Variants in TMEM117 observed in about 807,000 individuals in gnomAD.
TMEM117 encodes transmembrane protein 117.
A neutral mutation model predicts 52.4 loss-of-function variants in TMEM117; 27 were observed. The observed-to-expected ratio is 0.51, with a 90% CI of 0.38 to 0.71. The LOEUF is 0.71. Ranked by LOEUF, TMEM117 falls within the 30% of genes least tolerant of loss-of-function variation. The pLI is 0.00. For missense variants in TMEM117, 556 were observed against 630.5 expected, an observed-to-expected ratio of 0.88 and a Z score of 1.26; for synonymous variants, 215 against 206.3, an observed-to-expected ratio of 1.04 and a Z score of -0.36.
chr12:44,305,962 T>A (rs1950898052), intron 6 of TMEM117, among the ~76,000 whole-genome samples: 3 of 152,242 alleles, frequency 2.0e-5, no homozygotes. Context: ...AATGAAATGA[T>A]GTCCTTTACA....
At chr12:43,940,814 G>T (rs1945033327) in intron 2 of TMEM117, among the ~76,000 whole-genome samples, 1 of 152,176 alleles carries the variant, frequency 6.6e-6, no homozygotes, top group Admixed American at 6.5e-5. Context: ...AAAGTGCTGG[G>T]ATTACAGGCA....
rs993001937 is a variant in TMEM117 at position 43,836,120 on chromosome 12, G to C, written c.-105G>C. 6.6e-6 allele frequency: 1 copy of C among 151,966 alleles called. No individual in the cohort carries two copies. Among genetic ancestry groups the C allele is most frequent in the African/African-American group, 2.4e-5 (1 of 41,398 alleles). 9.4% of individuals were successfully genotyped at this position (151,966 alleles called of 1,614,324 possible). A position where few individuals can be genotyped will look rare whatever the true frequency, so the allele number is the denominator to read the frequency against. ...CCCGTCTCGCCGCGCTTCCCAGCGA[G>C]GCCGCCGGCGCGCCGAGGGCTGTGC... On this transcript the variant is annotated 5_prime_UTR_variant, in exon 1 of 8. Transcript: ENST00000266534.
In TMEM117 at chr12:43,951,742, C is replaced by T. The variant is rs185065537; in HGVS notation, c.410+7400C>T. Among the ~76,000 whole-genome samples, 1,061 of 123,436 alleles carry T rather than the reference C, an allele frequency of 8.6e-3. 11 individuals carry two copies. Among genetic ancestry groups the T allele is most frequent in the African/African-American group, 0.033 (958 of 29,422 alleles). The allele number at this position is 123,436 out of a possible 152,430, so 81.0% of individuals were successfully genotyped here. A position where few individuals can be genotyped will look rare whatever the true frequency, so the allele number is the denominator to read the frequency against. On this transcript the variant is annotated intron_variant, in intron 3 of 7. Coordinates refer to ENST00000266534, the MANE Select transcript of TMEM117 (RefSeq NM_032256.3). ...AGCTCTGAAGAGATTGATGAGGGCT[C>T]TGATCCTGATGAGGGCGATTCCCTG...
At chr12:43,903,790 A>ATGGTTATC (rs1944341991) in intron 2 of TMEM117, among the ~76,000 whole-genome samples, 1 of 152,046 alleles carries the variant, frequency 6.6e-6, no homozygotes, top group Non-Finnish European at 1.5e-5. Flanking sequence ...ATGCCTACCC[A>ATGGTTATC]TGGTTATCTG....
chr12:43,906,085 C>T (rs1332519080), intron 2 of TMEM117, among the ~76,000 whole-genome samples: 1 of 152,140 alleles, frequency 6.6e-6, no homozygotes, highest in African/African-American at 2.4e-5. Flanking sequence ...TTTTAAACTC[C>T]TACTTTATTT....
At chr12:44,044,318 C>A (rs1946847851) in intron 3 of TMEM117, among the ~76,000 whole-genome samples, 1 of 152,204 alleles carries the variant, frequency 6.6e-6, no homozygotes, top group Non-Finnish European at 1.5e-5. Context: ...TGCCATTCTT[C>A]TGCAGATAAC....
intron 6 of TMEM117, among the ~76,000 whole-genome samples, chr12:44,362,327 C>A (rs1209958988): frequency 6.6e-6 from 1 of 152,078 alleles, no homozygotes; most frequent in Non-Finnish European, 1.5e-5. Flanking sequence ...TTTTCTTACC[C>A]TATCTAACGT....
At chr12:43,933,876 G>A (rs1324754559) in intron 2 of TMEM117, among the ~76,000 whole-genome samples, 1 of 152,102 alleles carries the variant, frequency 6.6e-6, no homozygotes, top group Non-Finnish European at 1.5e-5. Context: ...TTTCAATAGT[G>A]ACAATCTCTA....
intron 3 of TMEM117, among the ~76,000 whole-genome samples, chr12:44,141,637 C>T (rs982717648): frequency 6.6e-6 from 1 of 152,114 alleles, no homozygotes; most frequent in South Asian, 2.1e-4. Flanking sequence ...GGGCATTGAA[C>T]AAGTTCTTCA....
At chr12:44,001,202 A>T (rs1310756519) in intron 3 of TMEM117, among the ~76,000 whole-genome samples, 1 of 152,202 alleles carries the variant, frequency 6.6e-6, no homozygotes, top group Non-Finnish European at 1.5e-5. Flanking sequence ...GGATGAAAAT[A>T]AGGTACATAT....
chr12:43,805,900 G>T, the TMEM117 span: 2 of 1,479,320 alleles, frequency 1.4e-6, no homozygotes, highest in Non-Finnish European at 1.8e-6. Context: ...GTGACCAAAA[G>T]GGGGAAAGTT....
chr12:44,187,853 A>G (rs1949298784), intron 4 of TMEM117, among the ~76,000 whole-genome samples: 1 of 152,088 alleles, frequency 6.6e-6, no homozygotes, highest in Non-Finnish European at 1.5e-5. Context: ...TGGAGCTGCC[A>G]CCAATGATTT....
At chr12:44,217,187 G>C (rs144418480) in intron 5 of TMEM117, among the ~76,000 whole-genome samples, 15 of 152,296 alleles carry the variant, frequency 9.8e-5, no homozygotes, top group African/African-American at 3.1e-4. Flanking sequence ...AAGAGTTTTG[G>C]TAATAGTATT....
At chr12:44,101,348 A>T (rs1947857845) in intron 3 of TMEM117, among the ~76,000 whole-genome samples, 3 of 151,186 alleles carry the variant, frequency 2.0e-5, no homozygotes, top group African/African-American at 7.3e-5. Context: ...CTTAAGTATC[A>T]CTCTCCCGAT....
At chr12:44,178,075 C>T (rs1376777875) in intron 4 of TMEM117, among the ~76,000 whole-genome samples, 1 of 152,086 alleles carries the variant, frequency 6.6e-6, no homozygotes, top group Non-Finnish European at 1.5e-5. Context: ...CTTGTTATTT[C>T]TTAATTGACT....
intron 5 of TMEM117, among the ~76,000 whole-genome samples, chr12:44,285,158 G>A (rs1213792541): frequency 4.6e-5 from 7 of 152,088 alleles, no homozygotes; most frequent in Non-Finnish European, 7.4e-5. Context: ...CAACCCAGAC[G>A]TATTTTTTTC....
intron 2 of TMEM117, among the ~76,000 whole-genome samples, chr12:43,938,152 G>C (rs968854120): frequency 1.3e-5 from 2 of 151,466 alleles, no homozygotes; most frequent in Non-Finnish European, 2.9e-5. Flanking sequence ...TGAGGGCTGG[G>C]GTATGCAGGA....
Position 43,886,033 on chromosome 12 carries a change from G to A in TMEM117, c.277+41105G>A, listed in dbSNP as rs745324966. Among the ~76,000 whole-genome samples, 142 of 152,246 alleles carry A rather than the reference G, an allele frequency of 9.3e-4. 1 individual carries two copies. The highest frequency in any genetic ancestry group is 2.2e-4 in the Non-Finnish European group (15 of 68,016). ...GATAAAGGCAGTCAGCATGACATGG[G>A]GGAACCTTGTGTATCATATTATATA... On this transcript the variant is annotated intron_variant, in intron 2 of 7. Transcript: ENST00000266534.
intron 5 of TMEM117, among the ~76,000 whole-genome samples, chr12:44,218,763 A>G (rs1252562081): frequency 6.6e-6 from 1 of 152,180 alleles, no homozygotes; most frequent in Non-Finnish European, 1.5e-5. Context: ...TAATCTCCTT[A>G]TAATTCTATT....
Sources: allele counts gnomAD v4.1 joint callset (sites outside exome capture counted in the v4.1 genomes callset), GRCh38; gene constraint gnomAD v4.1.1; transcripts MANE v1.5; gene names NCBI Gene and HGNC (gene_info 2026-07-23, HGNC 2026-07-21).